The following BRINP3 variants were observed in gnomAD, a reference collection of about 807,000 sequenced individuals.
The protein encoded by BRINP3 is BMP/retinoic acid-inducible neural-specific protein 3.
In BRINP3, 19 loss-of-function variants were observed where a neutral mutation model predicts 71.0. The ratio of observed to expected loss-of-function variants is 0.27; its 90% CI spans 0.19 to 0.39. BRINP3 has a LOEUF of 0.39. BRINP3 is among the 10% of genes least tolerant of loss of function. The probability of loss-of-function intolerance (pLI) is 1.00; values close to 1 mark genes in which losing one functional copy is unlikely to be tolerated. For synonymous variants in BRINP3, 380 were observed against 337.7 expected (o/e 1.13, Z -1.37); for missense variants, 959 against 940.8 (o/e 1.02, Z -0.25).
chr1:190,161,224 T>C (rs567609920), intron 6 of BRINP3, among the ~76,000 whole-genome samples: 5 of 152,016 alleles, frequency 3.3e-5, no homozygotes, highest in Non-Finnish European at 7.4e-5. Context: ...CAGTAAACTT[T>C]CTTCAATACA....
At chr1:190,189,817 A>T (rs1653876195) in intron 6 of BRINP3, among the ~76,000 whole-genome samples, 1 of 152,044 alleles carries the variant, frequency 6.6e-6, no homozygotes. Context: ...GATATTCTTG[A>T]TCCTTGCGGT....
At chr1:190,373,178 T>A (rs1446396463) in intron 2 of BRINP3, among the ~76,000 whole-genome samples, 4 of 152,024 alleles carry the variant, frequency 2.6e-5, no homozygotes, top group African/African-American at 9.7e-5. Flanking sequence ...TCGCCTGAGG[T>A]CAGGAGTTCC....
chr1:190,271,235 G>C (rs1272181392), intron 3 of BRINP3, among the ~76,000 whole-genome samples: 1 of 151,608 alleles, frequency 6.6e-6, no homozygotes, highest in Non-Finnish European at 1.5e-5. Flanking sequence ...TGTATAATCA[G>C]TTTTAGTTTA....
At chr1:190,190,535 G>A (rs533951040) in intron 6 of BRINP3, among the ~76,000 whole-genome samples, 1 of 152,116 alleles carries the variant, frequency 6.6e-6, no homozygotes, top group East Asian at 1.9e-4. Flanking sequence ...GTCCTACTCT[G>A]CCACCTTGCT....
rs374044684 is a variant in BRINP3 at position 190,098,873 on chromosome 1, G to A, written c.1446C>T (p.Thr482=). Residue 482 remains threonine (T), a synonymous_variant, in exon 8 of 8, where the codon ACC becomes ACT. Coordinates refer to ENST00000367462, the MANE Select transcript of BRINP3 (RefSeq NM_199051.3). ...CAGTTTCAAAGCCAATATAGTGATC[G>A]GTGGACTCGGCGACTTCAGGCTTGC... ...GLCKPEVAES[T]DHYIGFETDL... The A allele has an allele frequency of 1.9e-6, 3 of 1,614,004 alleles. No individual in the cohort carries two copies. Among genetic ancestry groups the A allele is most frequent in the Non-Finnish European group, 2.5e-6 (3 of 1,180,034 alleles).
At chr1:190,410,057 C>T (rs1243266992) in intron 2 of BRINP3, among the ~76,000 whole-genome samples, 1 of 151,728 alleles carries the variant, frequency 6.6e-6, no homozygotes, top group Non-Finnish European at 1.5e-5. Context: ...TCCTATTTTA[C>T]TTCTTTCTTT....
intron 2 of BRINP3, among the ~76,000 whole-genome samples, chr1:190,442,736 C>T (rs1339226747): frequency 6.7e-6 from 1 of 148,918 alleles, no homozygotes; most frequent in Non-Finnish European, 1.5e-5. Context: ...CATGCCTGTG[C>T]GTGTGTGTGT....
chr1:190,150,765 C>T (rs1656321347), intron 7 of BRINP3, among the ~76,000 whole-genome samples: 1 of 152,032 alleles, frequency 6.6e-6, no homozygotes, highest in Admixed American at 6.6e-5. Flanking sequence ...TTTATGCATG[C>T]ACGATTATAT....
intron 2 of BRINP3, among the ~76,000 whole-genome samples, chr1:190,365,233 C>T (rs146814825): frequency 6.6e-6 from 1 of 152,170 alleles, no homozygotes; most frequent in African/African-American, 2.4e-5. Flanking sequence ...ACTGAGACTC[C>T]TCCCCAGCAG....
intron 2 of BRINP3, among the ~76,000 whole-genome samples, chr1:190,323,201 C>A (rs569908672): frequency 6.6e-6 from 1 of 151,908 alleles, no homozygotes; most frequent in Admixed American, 6.6e-5. Context: ...TAATAAGGAA[C>A]AAATAAGGAG....
At chr1:190,103,473 C>T (rs1402549926) in intron 7 of BRINP3, among the ~76,000 whole-genome samples, 2 of 151,948 alleles carry the variant, frequency 1.3e-5, no homozygotes, top group African/African-American at 4.8e-5. Flanking sequence ...GAACCAAGTT[C>T]CTGGGCCCCA....
chr1:190,359,506 G>T (rs994745524), intron 2 of BRINP3, among the ~76,000 whole-genome samples: 1 of 152,074 alleles, frequency 6.6e-6, no homozygotes, highest in South Asian at 2.1e-4. Context: ...TGCACCTGTA[G>T]TCTCAACTAC....
At chr1:190,424,219 A>G (rs776553829) in intron 2 of BRINP3, among the ~76,000 whole-genome samples, 2 of 151,654 alleles carry the variant, frequency 1.3e-5, no homozygotes, top group Non-Finnish European at 1.5e-5. Flanking sequence ...TACTGTGGAT[A>G]TTACTTCAGT....
At chr1:190,373,555 T>G (rs1670004367) in intron 2 of BRINP3, among the ~76,000 whole-genome samples, 1 of 151,680 alleles carries the variant, frequency 6.6e-6, no homozygotes, top group Non-Finnish European at 1.5e-5. Flanking sequence ...AATTCTACAT[T>G]TGTGATTTTG....
At chr1:190,459,196 C>T (rs1279960219) in intron 1 of BRINP3, among the ~76,000 whole-genome samples, 1 of 150,022 alleles carries the variant, frequency 6.7e-6, no homozygotes, top group East Asian at 1.9e-4. Flanking sequence ...TGCAAATCCT[C>T]AATGGCCTTG....
chr1:190,193,274 G>A (rs1467906649), intron 6 of BRINP3, among the ~76,000 whole-genome samples: 1 of 152,018 alleles, frequency 6.6e-6, no homozygotes, highest in Non-Finnish European at 1.5e-5. Flanking sequence ...AATTGACAAA[G>A]AACAAGATGA....
At chr1:190,313,096 A>G (rs563131119) in intron 2 of BRINP3, among the ~76,000 whole-genome samples, 1 of 152,052 alleles carries the variant, frequency 6.6e-6, no homozygotes, top group South Asian at 2.1e-4. Context: ...AGTAATTTAG[A>G]GCAATTTGAA....
intron 2 of BRINP3, among the ~76,000 whole-genome samples, chr1:190,332,216 T>C (rs113552809): frequency 0.019 from 2,934 of 152,182 alleles, 32 homozygotes; most frequent in Middle Eastern, 0.034. Flanking sequence ...GCATATATAC[T>C]GCCAACTCTT....
At chr1:190,116,405 CA>C (rs1571742053) in intron 7 of BRINP3, among the ~76,000 whole-genome samples, 1 of 152,052 alleles carries the variant, frequency 6.6e-6, no homozygotes, top group East Asian at 1.9e-4. Context: ...AATTAGCTTT[CA>C]AAGTGGTATG....
Sources: allele counts gnomAD v4.1 joint callset (sites outside exome capture counted in the v4.1 genomes callset), GRCh38; gene constraint gnomAD v4.1.1; transcripts MANE v1.5; gene names NCBI Gene and HGNC (gene_info 2026-07-23, HGNC 2026-07-21).